The following SCARA5 variants were observed in gnomAD, a reference collection of about 807,000 sequenced individuals.
The protein encoded by SCARA5 is scavenger receptor class A member 5.
Under a neutral mutation model 46.3 loss-of-function variants are expected in SCARA5, and 45 were observed. The ratio of observed to expected loss-of-function variants is 0.97; its 90% CI spans 0.76 to 1.24. The LOEUF (loss-of-function observed/expected upper bound fraction) is 1.24, where lower values mean the gene tolerates loss of function less well. Ranked by LOEUF, SCARA5 falls within the 50% of genes most tolerant of loss-of-function variation. The probability of loss-of-function intolerance (pLI) is 0.00; values close to 1 mark genes in which losing one functional copy is unlikely to be tolerated. For missense variants in SCARA5, 680 were observed against 689.0 expected (o/e 0.99, Z 0.15); for synonymous variants, 333 against 306.5 (o/e 1.09, Z -0.90).
At chr8:27,969,997 T>C (rs115980320) in intron 2 of SCARA5, among the ~76,000 whole-genome samples, 294 of 152,228 alleles carry the variant, frequency 1.9e-3, no homozygotes, top group African/African-American at 6.8e-3. Context: ...CCCTTCCACG[T>C]TGTACCAGGA....
At chr8:27,907,417 C>T (rs1400661303) in intron 5 of SCARA5, among the ~76,000 whole-genome samples, 171 bp from the exon 6 acceptor site, 7 of 152,118 alleles carry the variant, frequency 4.6e-5, no homozygotes, top group Non-Finnish European at 1.0e-4. Context: ...CAAAGAGGTC[C>T]ACATGGACCC....
intron 3 of SCARA5, among the ~76,000 whole-genome samples, chr8:27,927,624 C>T (rs1217157302): frequency 6.6e-6 from 1 of 152,090 alleles, no homozygotes; most frequent in East Asian, 1.9e-4. Context: ...TACCCATTCT[C>T]TTACTGTTGA....
intron 3 of SCARA5, among the ~76,000 whole-genome samples, chr8:27,964,424 A>G (rs1013005228): frequency 1.3e-5 from 2 of 152,182 alleles, no homozygotes; most frequent in African/African-American, 2.4e-5. Context: ...AAATGCTGGA[A>G]CAATTAAGGA....
intron 2 of SCARA5, among the ~76,000 whole-genome samples, chr8:27,967,086 T>C (rs550264744): frequency 6.6e-6 from 1 of 152,334 alleles, no homozygotes; most frequent in East Asian, 1.9e-4. Context: ...ACATCTATTT[T>C]TAAGGGTTGG....
intron 3 of SCARA5, among the ~76,000 whole-genome samples, chr8:27,962,569 T>C (rs1043472941): frequency 2.6e-5 from 4 of 152,014 alleles, no homozygotes; most frequent in Non-Finnish European, 5.9e-5. Flanking sequence ...ACAGTGTAGA[T>C]GGACATGGGC....
At chr8:27,906,826 A>G (rs1397911542) in intron 6 of SCARA5, among the ~76,000 whole-genome samples, 1 of 152,120 alleles carries the variant, frequency 6.6e-6, no homozygotes, top group Non-Finnish European at 1.5e-5. Context: ...CATCCTCCCA[A>G]GTAGCTGGGA....
chr8:27,965,914 G>C (rs1470212894), intron 3 of SCARA5, among the ~76,000 whole-genome samples: 2 of 152,180 alleles, frequency 1.3e-5, no homozygotes, highest in Non-Finnish European at 2.9e-5. Flanking sequence ...GCTAGCCCTA[G>C]CCCATCGCCT....
intron 2 of SCARA5, among the ~76,000 whole-genome samples, chr8:27,976,095 C>T (rs79266420): frequency 2.6e-5 from 4 of 151,164 alleles, no homozygotes; most frequent in South Asian, 4.3e-4. Context: ...AAGGGATGCC[C>T]GGTGTGCGTC....
At chr8:27,898,223 C>T (rs929534898) in intron 7 of SCARA5, among the ~76,000 whole-genome samples, 7 of 145,234 alleles carry the variant, frequency 4.8e-5, no homozygotes, top group African/African-American at 7.4e-5. Context: ...ATGGATTAAT[C>T]GGAATTGAAC....
chr8:27,925,318 C>G (rs1167140548), intron 3 of SCARA5, among the ~76,000 whole-genome samples: 1 of 152,148 alleles, frequency 6.6e-6, no homozygotes, highest in Admixed American at 6.5e-5. Context: ...GAGCAGACGC[C>G]TCAGAAATAA....
At chr8:27,957,349 A>C (rs1478272231) in intron 3 of SCARA5, among the ~76,000 whole-genome samples, 1 of 152,212 alleles carries the variant, frequency 6.6e-6, no homozygotes, top group Non-Finnish European at 1.5e-5. Flanking sequence ...ACAAACACCA[A>C]TGATACATCC....
intron 7 of SCARA5, among the ~76,000 whole-genome samples, chr8:27,883,678 T>A (rs2129682218): frequency 1.3e-5 from 2 of 152,286 alleles, no homozygotes; most frequent in South Asian, 4.1e-4. Flanking sequence ...CAACCCTCAG[T>A]AATCCAAGGC....
At chr8:27,945,205 G>C (rs776966963) in intron 3 of SCARA5, among the ~76,000 whole-genome samples, 4 of 151,474 alleles carry the variant, frequency 2.6e-5, no homozygotes, top group Non-Finnish European at 4.4e-5. Flanking sequence ...GAAACACTGA[G>C]GAGTTGTCTA....
At chr8:27,931,646 A>G (rs1432774601) in intron 3 of SCARA5, among the ~76,000 whole-genome samples, 2 of 152,120 alleles carry the variant, frequency 1.3e-5, no homozygotes, top group African/African-American at 4.8e-5. Context: ...TGCTTTTTGG[A>G]CAAAGAACCT....
chr8:27,948,536 T>G (rs1295264903), intron 3 of SCARA5, among the ~76,000 whole-genome samples: 1 of 152,252 alleles, frequency 6.6e-6, no homozygotes, highest in East Asian at 1.9e-4. Context: ...CCAGCCTTTC[T>G]GTCCACTGGG....
At chr8:27,928,659 C>CT (rs200965783) in intron 3 of SCARA5, among the ~76,000 whole-genome samples, 7 of 151,414 alleles carry the variant, frequency 4.6e-5, no homozygotes, top group Admixed American at 1.3e-4. Context: ...TTTTTCTTTT[C>CT]TTTTTTTTTC....
chr8:27,909,928 A>C (rs1054507772), intron 4 of SCARA5, among the ~76,000 whole-genome samples, 185 bp from the exon 5 acceptor site: 3 of 152,106 alleles, frequency 2.0e-5, no homozygotes, highest in African/African-American at 7.2e-5. Context: ...AAGAAGTAAT[A>C]TCCAAAGTGA....
intron 3 of SCARA5, among the ~76,000 whole-genome samples, chr8:27,944,097 C>A (rs79030205): frequency 0.024 from 3,581 of 152,274 alleles, 43 homozygotes; most frequent in Non-Finnish European, 0.034. Flanking sequence ...TAGCAAGCAA[C>A]TGGCCTGCAT....
chr8:27,901,117 T>A (rs1807145875), intron 7 of SCARA5, among the ~76,000 whole-genome samples: 8 of 152,138 alleles, frequency 5.3e-5, no homozygotes, highest in Admixed American at 4.6e-4. Flanking sequence ...CTGAAAAATA[T>A]TTTAATGTGG....
Sources: gnomAD v4.1 joint callset for allele counts (sites outside exome capture counted in the v4.1 genomes callset) on GRCh38, gnomAD v4.1.1 for gene constraint, MANE v1.5 for transcripts, NCBI Gene and HGNC (gene_info 2026-07-23, HGNC 2026-07-21) for gene names.